Variants in ACSL4 observed in about 807,000 individuals in gnomAD.
ACSL4 encodes acyl-CoA synthetase long chain family member 4, also known as long-chain-fatty-acid--CoA ligase 4.
Under a neutral mutation model 49.1 loss-of-function variants are expected in ACSL4, and 9 were observed. The observed-to-expected ratio is 0.18, with a 90% CI of 0.11 to 0.32. The LOEUF is 0.32. Among genes scored for constraint, ACSL4 ranks in the 10% least tolerant of loss-of-function variants. ACSL4 has a pLI of 1.00. For synonymous variants in ACSL4, 191 were observed against 170.3 expected (o/e 1.12, Z -0.95); for missense variants, 333 against 493.7 (o/e 0.67, Z 3.08).
chrX:109,676,029 T>C (rs1170990690), intron 8 of ACSL4, among the ~76,000 whole-genome samples: 1 of 111,617 alleles, frequency 9.0e-6, no homozygotes. Flanking sequence ...CAGAATGCGT[T>C]CTCACAGAAA....
chrX:109,721,137 GTTC>G (rs989041021), intron 1 of ACSL4, among the ~76,000 whole-genome samples: 7 of 112,177 alleles, frequency 6.2e-5, no homozygotes, highest in African/African-American at 1.3e-4. Flanking sequence ...ATTAGTGCTA[GTTC>G]TTCTTTTTCT....
chrX:109,652,920 C>T (rs1470623604), intron 15 of ACSL4, among the ~76,000 whole-genome samples: 1 of 111,445 alleles, frequency 9.0e-6, no homozygotes, highest in Non-Finnish European at 1.9e-5. Context: ...TTTAAAACTT[C>T]ACAGTGTCTA....
intron 15 of ACSL4, among the ~76,000 whole-genome samples, chrX:109,644,704 G>A: frequency 8.9e-6 from 1 of 112,486 alleles, no homozygotes; most frequent in East Asian, 2.8e-4. Context: ...GAACAGCTCT[G>A]GTCTACAGCT....
At chrX:109,704,375 T>C (rs765843731) in intron 1 of ACSL4, among the ~76,000 whole-genome samples, 3 of 110,427 alleles carry the variant, frequency 2.7e-5, no homozygotes, top group Non-Finnish European at 5.7e-5. Flanking sequence ...CAGAGTCTAG[T>C]TTGAATGCCA....
intron 15 of ACSL4, among the ~76,000 whole-genome samples, chrX:109,648,268 A>C (rs1481422902): frequency 9.0e-6 from 1 of 111,579 alleles, no homozygotes; most frequent in African/African-American, 3.3e-5. Flanking sequence ...TGATGCAAAA[A>C]TCCTCAATAA....
chrX:109,703,670 G>A (rs1485518660), intron 1 of ACSL4, among the ~76,000 whole-genome samples: 1 of 111,687 alleles, frequency 9.0e-6, no homozygotes, highest in Non-Finnish European at 1.9e-5. Flanking sequence ...GGTGGCTCAC[G>A]CCTGTAATCC....
At chrX:109,725,370 T>C (rs1927895805) in intron 1 of ACSL4, among the ~76,000 whole-genome samples, 1 of 110,689 alleles carries the variant, frequency 9.0e-6, no homozygotes, top group Admixed American at 9.7e-5. Flanking sequence ...TGAGCCACCA[T>C]GCCAGCCTCA....
chrX:109,645,763 G>A (rs1292824403), intron 15 of ACSL4, among the ~76,000 whole-genome samples: 11 of 111,511 alleles, frequency 9.9e-5, no homozygotes, highest in African/African-American at 3.3e-4. Context: ...CAAAGAAGTT[G>A]AAAACTTTGA....
In ACSL4 at chrX:109,669,122, T is replaced by G; in HGVS notation, c.1054A>C (p.Asn352His). 3 of 1,178,048 alleles carry G rather than the reference T, an allele frequency of 2.5e-6. No individual in the cohort carries two copies. The highest frequency in any genetic ancestry group is 2.3e-6 in the Non-Finnish European group (2 of 866,587). Reference protein sequence around the residue: ...KNVMSKVQEMNYIQKTLFKIG... With the variant: ...KNVMSKVQEMHYIQKTLFKIG... ...TTGAACAGAGTTTTCTGAATATAAT[T>G]CATCTCTTGGACTTTGCTCATAACA... Residue 352 changes from asparagine to histidine, a missense_variant, in exon 10 of 16, where the codon AAT becomes CAT. Transcript: ENST00000672401.
At chrX:109,673,482 A>G (rs2147423600) in intron 9 of ACSL4, among the ~76,000 whole-genome samples, 1 of 112,562 alleles carries the variant, frequency 8.9e-6, no homozygotes, top group Non-Finnish European at 1.9e-5. Flanking sequence ...GGTTTTAGTC[A>G]GATGCCTCTT....
chrX:109,712,060 C>T (rs1190024727), intron 1 of ACSL4, among the ~76,000 whole-genome samples: 2 of 111,615 alleles, frequency 1.8e-5, no homozygotes, highest in Admixed American at 9.5e-5. Flanking sequence ...CATAGGAGGG[C>T]CTCCTCTCAT....
intron 1 of ACSL4, among the ~76,000 whole-genome samples, chrX:109,709,889 G>A (rs1262242010): frequency 9.0e-6 from 1 of 111,346 alleles, no homozygotes; most frequent in Non-Finnish European, 1.9e-5. Flanking sequence ...GGCGGATCAC[G>A]GAGGTCGGTA....
Position 109,641,784 on chromosome X carries a change from C to T in ACSL4, c.*2245G>A, listed in dbSNP as rs992999707. 2.7e-5 allele frequency: 3 copies of T among 112,437 alleles called. 1 individual carries two copies. Among genetic ancestry groups the T allele is most frequent in the African/African-American group, 6.5e-5 (2 of 30,921 alleles). The allele number at this position is 112,437 out of a possible 1,213,427, so 9.3% of individuals were successfully genotyped here. A position where few individuals can be genotyped will look rare whatever the true frequency, so the allele number is the denominator to read the frequency against. Reference sequence around the variant, plus strand: ...ACATTCATGGAATTAAAGCAAAAGTCACAAGTGTTTGACTTAGAAATGTAC... The same window carrying T: ...ACATTCATGGAATTAAAGCAAAAGTTACAAGTGTTTGACTTAGAAATGTAC... On this transcript the variant is annotated 3_prime_UTR_variant, in exon 16 of 16. Transcript: ENST00000672401.
At chrX:109,649,474 T>C (rs1302867035) in intron 15 of ACSL4, among the ~76,000 whole-genome samples, 35 of 111,998 alleles carry the variant, frequency 3.1e-4, no homozygotes, top group Non-Finnish European at 4.7e-4. Context: ...GCTAGCCATA[T>C]GTAGAAAGCT....
At chrX:109,707,907 T>C (rs748551493) in intron 1 of ACSL4, among the ~76,000 whole-genome samples, 2 of 111,978 alleles carry the variant, frequency 1.8e-5, no homozygotes, top group East Asian at 5.5e-4. Context: ...ATGTAGGCTA[T>C]AAACCAAAAT....
intron 12 of ACSL4, among the ~76,000 whole-genome samples, chrX:109,665,144 A>C (rs773605000): frequency 6.3e-5 from 7 of 111,232 alleles, no homozygotes; most frequent in Non-Finnish European, 1.3e-4. Flanking sequence ...AAGGATCCTC[A>C]CCTTCTCCAA....
At chrX:109,668,367 G>A in intron 10 of ACSL4, 94 bp from the exon 11 acceptor site, 5 of 759,267 alleles carry the variant, frequency 6.6e-6, no homozygotes, top group South Asian at 3.5e-5. Flanking sequence ...TCCTCAACTG[G>A]TTGAACATCT....
chrX:109,716,355 T>C (rs1035196684), intron 1 of ACSL4, among the ~76,000 whole-genome samples: 2 of 112,417 alleles, frequency 1.8e-5, no homozygotes, highest in African/African-American at 6.5e-5. Flanking sequence ...TGTTACTACT[T>C]AAGTATCACC....
intron 2 of ACSL4, among the ~76,000 whole-genome samples, chrX:109,689,576 C>T (rs1184472131): frequency 1.8e-5 from 2 of 112,201 alleles, no homozygotes; most frequent in East Asian, 2.8e-4. Context: ...TGTTCCTGCC[C>T]CATGGCCTTT....
Sources: allele counts gnomAD v4.1 joint callset (sites outside exome capture counted in the v4.1 genomes callset), GRCh38; gene constraint gnomAD v4.1.1; transcripts MANE v1.5; gene names NCBI Gene and HGNC (gene_info 2026-07-23, HGNC 2026-07-21).